MTUS2: variants seen among roughly 807,000 people sequenced by gnomAD.
MTUS2 encodes the protein microtubule associated scaffold protein 2, also known as microtubule-associated tumor suppressor candidate 2.
A neutral mutation model predicts 114.1 loss-of-function variants in MTUS2; 40 were observed. That is an observed-to-expected ratio of 0.35 (90% confidence interval 0.27 to 0.46). The LOEUF is 0.46. Among genes scored for constraint, MTUS2 ranks in the 20% least tolerant of loss-of-function variants. MTUS2 has a pLI of 1.00. For synonymous variants in MTUS2, 688 were observed against 672.0 expected (o/e 1.02, Z -0.37); for missense variants, 1,679 against 1,705.4 (o/e 0.98, Z 0.27).
At chr13:29,229,484 C>T (rs1352155051) in intron 5 of MTUS2, among the ~76,000 whole-genome samples, 6 of 152,136 alleles carry the variant, frequency 3.9e-5, no homozygotes, top group South Asian at 2.1e-4. Flanking sequence ...ATATTATTAA[C>T]GACAGAGATT....
At chr13:29,460,188 G>A (rs575696940) in intron 9 of MTUS2, among the ~76,000 whole-genome samples, 2 of 152,266 alleles carry the variant, frequency 1.3e-5, no homozygotes, top group South Asian at 4.1e-4. Context: ...TGACTTGCCC[G>A]AGGCTAGAAG....
chr13:28,850,758 C>T (rs1876215881), intron 2 of MTUS2, among the ~76,000 whole-genome samples: 1 of 152,132 alleles, frequency 6.6e-6, no homozygotes, highest in African/African-American at 2.4e-5. Flanking sequence ...TCTAGCAAAA[C>T]TCAGACAGAT....
intron 6 of MTUS2, among the ~76,000 whole-genome samples, chr13:29,321,873 G>T (rs1031949871): frequency 6.6e-6 from 1 of 152,070 alleles, no homozygotes; most frequent in African/African-American, 2.4e-5. Context: ...TATGAAAATG[G>T]GGTAATTCCA....
In MTUS2 at chr13:29,503,363, G is replaced by C. The variant is rs1033776090; in HGVS notation, c.*157G>C. ...CCTCCTCTGATCCCCGTGTAAGACT[G>C]CCCTGGTGTCGGCACTTAGGAATGT... On this transcript the variant is annotated 3_prime_UTR_variant, in exon 16 of 16. Coordinates refer to ENST00000612955, the MANE Select transcript of MTUS2 (RefSeq NM_001033602.4). 3 of 748,734 alleles carry C rather than the reference G, an allele frequency of 4.0e-6. No homozygotes were observed. The highest frequency in any genetic ancestry group is 6.5e-6 in the Non-Finnish European group (3 of 464,404). The allele number at this position is 748,734 out of a possible 1,614,324, so 46.4% of individuals were successfully genotyped here.
At chr13:29,194,342 T>A (rs1894580410) in intron 5 of MTUS2, among the ~76,000 whole-genome samples, 2 of 148,466 alleles carry the variant, frequency 1.3e-5, no homozygotes, top group Admixed American at 1.3e-4. Context: ...CGCAACCTAC[T>A]CATCTGACAA....
intron 2 of MTUS2, among the ~76,000 whole-genome samples, chr13:28,980,549 T>A (rs1884313955): frequency 6.6e-6 from 1 of 152,228 alleles, no homozygotes; most frequent in South Asian, 2.1e-4. Flanking sequence ...TAAGGGTACA[T>A]CCTAGAGCGG....
chr13:29,178,145 A>G (rs1015037742), intron 5 of MTUS2, among the ~76,000 whole-genome samples: 7 of 152,144 alleles, frequency 4.6e-5, no homozygotes, highest in African/African-American at 1.7e-4. Context: ...ACAGCGAACT[A>G]CCGGGCATTT....
In MTUS2 at chr13:28,820,394, C is replaced by T. The variant is rs1201268537; in HGVS notation, c.-533C>T. ...GTGCGGGGGCGCCCCTCGCGCTCCA[C>T]CTGCGCCGCCGCCGCCGGCTCTCAG... On this transcript the variant is annotated 5_prime_UTR_variant, in exon 1 of 16. Coordinates refer to ENST00000612955, the MANE Select transcript of MTUS2 (RefSeq NM_001033602.4). 1.3e-5 allele frequency: 2 copies of T among 151,766 alleles called. No homozygotes were observed. The highest frequency in any genetic ancestry group is 2.1e-4 in the South Asian group (1 of 4,832). The allele number at this position is 151,766 out of a possible 1,614,324, so 9.4% of individuals were successfully genotyped here. A position where few individuals can be genotyped will look rare whatever the true frequency, so the allele number is the denominator to read the frequency against.
chr13:28,838,170 A>G (rs1015515951), intron 1 of MTUS2, among the ~76,000 whole-genome samples: 3 of 152,244 alleles, frequency 2.0e-5, no homozygotes, highest in Admixed American at 2.0e-4. Context: ...ATGCAAAAAC[A>G]AAACAATTTA....
chr13:28,872,988 G>A (rs1158238909), intron 2 of MTUS2, among the ~76,000 whole-genome samples: 1 of 152,188 alleles, frequency 6.6e-6, no homozygotes, highest in African/African-American at 2.4e-5. Context: ...TCTGACAGCT[G>A]ACTTCTCAGG....
rs143573736 is a variant in MTUS2 at position 28,888,242 on chromosome 13, C to A, written c.-243+48392C>A. Among the ~76,000 whole-genome samples, 299 of 151,914 alleles carry A rather than the reference C, an allele frequency of 2.0e-3. 1 individual carries two copies. The highest frequency in any genetic ancestry group is 6.8e-3 in the African/African-American group (283 of 41,456). ...CTGGGGCTTTGCATGATATTTGGGT[C>A]TCAGAGTTTTACTAAATAGCATTTT... On this transcript the variant is annotated intron_variant, in intron 2 of 15. Coordinates refer to ENST00000612955, the MANE Select transcript of MTUS2 (RefSeq NM_001033602.4).
At chr13:29,376,139 A>G (rs976345669) in intron 8 of MTUS2, among the ~76,000 whole-genome samples, 1 of 152,168 alleles carries the variant, frequency 6.6e-6, no homozygotes, top group South Asian at 2.1e-4. Context: ...CAATAGAAAT[A>G]GTAAATAACT....
At position 29,375,539 on chromosome 13, in the gene MTUS2, GT is replaced by G; in HGVS notation, c.3117+16067del. On this transcript the variant is annotated intron_variant, in intron 8 of 15. Transcript: ENST00000612955. ...ACTATATATATATATATATATATACGTGTATATATATATATATACGTATATA... is the reference window on the plus strand; with the variant it reads ...ACTATATATATATATATATATATACGGTATATATATATATATACGTATATA... Among the ~76,000 whole-genome samples the G allele has an allele frequency of 1.8e-3, 6 of 3,392 alleles. 2 individuals are homozygous for G. The highest frequency in any genetic ancestry group is 4.8e-3 in the African/African-American group (5 of 1,034). 2.2% of individuals were successfully genotyped at this position (3,392 alleles called of 152,430 possible).
intron 2 of MTUS2, among the ~76,000 whole-genome samples, chr13:28,970,182 A>G (rs995128250): frequency 3.9e-5 from 6 of 152,200 alleles, no homozygotes; most frequent in Non-Finnish European, 8.8e-5. Context: ...TATGAAAATG[A>G]TTTTTAAAAT....
At chr13:28,821,529 C>G (rs144005822) in intron 1 of MTUS2, among the ~76,000 whole-genome samples, 41 of 152,262 alleles carry the variant, frequency 2.7e-4, no homozygotes, top group African/African-American at 9.6e-4. Context: ...GGCCCCAAAA[C>G]CAGTACTCAC....
At chr13:29,368,847 A>T (rs930817515) in intron 8 of MTUS2, among the ~76,000 whole-genome samples, 1 of 152,164 alleles carries the variant, frequency 6.6e-6, no homozygotes, top group African/African-American at 2.4e-5. Context: ...TGTGAAAGGG[A>T]TGAGATTCAC....
At chr13:28,914,119 A>G (rs193292919) in intron 2 of MTUS2, among the ~76,000 whole-genome samples, 1 of 149,596 alleles carries the variant, frequency 6.7e-6, no homozygotes, top group Non-Finnish European at 1.5e-5. Flanking sequence ...CTTCAGTTCC[A>G]CTCTGATCTT....
chr13:29,430,089 G>T (rs1244444336), intron 8 of MTUS2, among the ~76,000 whole-genome samples: 2 of 152,154 alleles, frequency 1.3e-5, no homozygotes, highest in Non-Finnish European at 1.5e-5. Context: ...GCGCTCAATT[G>T]TCTGCACATC....
intron 4 of MTUS2, among the ~76,000 whole-genome samples, chr13:29,073,284 A>T (rs996532736): frequency 5.9e-5 from 9 of 152,238 alleles, no homozygotes; most frequent in African/African-American, 2.2e-4. Flanking sequence ...ACACTGCATG[A>T]ATAGGTTTAT....
Sources: allele counts gnomAD v4.1 joint callset (sites outside exome capture counted in the v4.1 genomes callset), GRCh38; gene constraint gnomAD v4.1.1; transcripts MANE v1.5; gene names NCBI Gene and HGNC (gene_info 2026-07-23, HGNC 2026-07-21).